Variants in ALS2 observed in about 807,000 individuals in gnomAD.
The protein encoded by ALS2 is alsin Rho guanine nucleotide exchange factor ALS2.
A neutral mutation model predicts 203.4 loss-of-function variants in ALS2; 117 were observed. The observed-to-expected ratio is 0.58, with a 90% CI of 0.50 to 0.67. The LOEUF is 0.67. Ranked by LOEUF, ALS2 falls within the 30% of genes least tolerant of loss-of-function variation. ALS2 has a pLI of 0.00. For synonymous variants in ALS2, 718 were observed against 725.9 expected (o/e 0.99, Z 0.17); for missense variants, 1,715 against 1,989.4 (o/e 0.86, Z 2.62).
chr2:201,729,917 G>A (rs1222634342), intron 13 of ALS2, among the ~76,000 whole-genome samples: 1 of 147,956 alleles, frequency 6.8e-6, no homozygotes, highest in East Asian at 2.0e-4. Flanking sequence ...CTTTTTTTGT[G>A]AGAAAAGTGG....
chr2:201,768,159 C>T (rs541700134), intron 2 of ALS2, among the ~76,000 whole-genome samples: 2 of 152,280 alleles, frequency 1.3e-5, no homozygotes, highest in South Asian at 2.1e-4. Context: ...AAGTGTAGAA[C>T]TGCTATTTAA....
chr2:201,724,400 C>T lies in ALS2; in HGVS notation c.3407G>A (p.Gly1136Asp). 1 of 1,613,880 alleles carries T rather than the reference C, an allele frequency of 6.2e-7. No homozygotes were observed. The highest frequency in any genetic ancestry group is 1.1e-5 in the South Asian group (1 of 91,078). The change falls in exon 21 of 34, where the codon GGT becomes GAT. Residue 1136 changes from glycine to aspartate, a missense_variant. By Grantham distance (94) the Gly-to-Asp change is moderately conservative. This residue lies in a region of ALS2 where 1,227 missense variants were observed against 1,413.5 expected (regional missense o/e 0.87). Coordinates refer to ENST00000264276, the MANE Select transcript of ALS2 (RefSeq NM_020919.4). Reference protein sequence around the residue: ...CFQDNMRHGHGLLRSGKLTSS... With the variant: ...CFQDNMRHGHDLLRSGKLTSS... ...CGTCAATTTCCCACTTCGTAGAAGA[C>T]CATGACCATGACGCATATTATCTTG...
intron 32 of ALS2, 85 bp from the exon 33 acceptor site, chr2:201,704,303 A>G: frequency 6.7e-7 from 1 of 1,498,976 alleles, no homozygotes; most frequent in Non-Finnish European, 9.3e-7. Context: ...AAAAAGAAAG[A>G]ACAGCTCAAT....
intron 23 of ALS2, among the ~76,000 whole-genome samples, chr2:201,719,806 T>C (rs1690654304): frequency 6.6e-6 from 1 of 152,002 alleles, no homozygotes; most frequent in Admixed American, 6.5e-5. Context: ...ATCACAAACA[T>C]ACGAAGACAG....
intron 13 of ALS2, among the ~76,000 whole-genome samples, chr2:201,731,581 A>C (rs931398690): frequency 3.3e-5 from 5 of 152,232 alleles, no homozygotes; most frequent in Admixed American, 3.3e-4. Context: ...TCATTCAATA[A>C]AAGTATCATC....
chr2:201,741,981 C>G lies in ALS2; in HGVS notation c.2171-127G>C. The G allele has an allele frequency of 1.4e-5, 12 of 851,358 alleles. No homozygotes were observed. The South Asian group carries it at 1.8e-4, about 13-fold the overall frequency. 52.7% of individuals were successfully genotyped at this position (851,358 alleles called of 1,614,324 possible). A position where few individuals can be genotyped will look rare whatever the true frequency, so the allele number is the denominator to read the frequency against. On this transcript the variant is annotated intron_variant, in intron 10 of 33. Coordinates refer to ENST00000264276, the MANE Select transcript of ALS2 (RefSeq NM_020919.4). ...TTGCCATGTGCTCTCAACTAAGGAA[C>G]CCAAATGATTACAGTATTAAAGCAA...
At chr2:201,744,547 T>G in intron 9 of ALS2, 118 bp from the exon 10 acceptor site, 1 of 1,094,646 alleles carries the variant, frequency 9.1e-7, no homozygotes, top group Non-Finnish European at 1.3e-6. Flanking sequence ...TCAGAAAATT[T>G]GCAAGCAAGT....
chr2:201,704,027 C>T, intron 33 of ALS2, 95 bp downstream of exon 33: 2 of 1,105,194 alleles, frequency 1.8e-6, no homozygotes, highest in Non-Finnish European at 2.7e-6. Context: ...TTGCATTAAA[C>T]TTTTATACAA....
chr2:201,755,343 A>G (rs946549424), intron 5 of ALS2, among the ~76,000 whole-genome samples: 7 of 151,828 alleles, frequency 4.6e-5, no homozygotes, highest in Non-Finnish European at 1.0e-4. Flanking sequence ...GCTCGCAGGA[A>G]CCTCTGCTTC....
chr2:201,724,194 A>T, intron 21 of ALS2, 101 bp downstream of exon 21: 2 of 1,232,992 alleles, frequency 1.6e-6, no homozygotes, highest in Non-Finnish European at 2.3e-6. Flanking sequence ...AAATCTTACT[A>T]ATCTCCATGA....
intron 10 of ALS2, 21 bp from the exon 11 acceptor site, chr2:201,741,875 T>A (rs1553510060): frequency 6.3e-7 from 1 of 1,586,098 alleles, no homozygotes; most frequent in South Asian, 1.1e-5. Context: ...ATAATGATGA[T>A]GATGACAACA....
chr2:201,760,617 A>G, intron 4 of ALS2: 1 of 1,231,896 alleles, frequency 8.1e-7, no homozygotes, highest in Non-Finnish European at 1.0e-6. Flanking sequence ...TACTAGCAAG[A>G]AAAAAAAATG....
intron 27 of ALS2, 144 bp downstream of exon 27, chr2:201,709,737 C>G: frequency 1.0e-6 from 1 of 987,300 alleles, no homozygotes; most frequent in Non-Finnish European, 1.6e-6. Flanking sequence ...ATAGCTTACA[C>G]ATACATTTAA....
At chr2:201,746,442 G>T in intron 9 of ALS2, 124 bp downstream of exon 9, 1 of 1,140,828 alleles carries the variant, frequency 8.8e-7, no homozygotes, top group Non-Finnish European at 1.3e-6. Flanking sequence ...AAAGGAGTTT[G>T]CAATTTTAAA....
At chr2:201,704,946 G>T (rs994900737) in intron 31 of ALS2, among the ~76,000 whole-genome samples, 193 bp downstream of exon 31, 2 of 152,126 alleles carry the variant, frequency 1.3e-5, no homozygotes, top group Admixed American at 1.3e-4. Flanking sequence ...TTTTGAAAAT[G>T]CAAGGTCATT....
intron 3 of ALS2, among the ~76,000 whole-genome samples, chr2:201,765,209 C>T (rs1186925903): frequency 1.3e-5 from 2 of 151,996 alleles, no homozygotes; most frequent in African/African-American, 4.8e-5. Flanking sequence ...CTATGTTGCC[C>T]AGGAAACATG....
intron 13 of ALS2, among the ~76,000 whole-genome samples, chr2:201,731,750 G>T (rs1328845322): frequency 6.6e-6 from 1 of 152,130 alleles, no homozygotes; most frequent in Non-Finnish European, 1.5e-5. Flanking sequence ...TTGAACCCCT[G>T]TGATAAGGAT....
At position 201,726,761 on chromosome 2, in the gene ALS2, G is replaced by C; in HGVS notation, c.3085C>G (p.Pro1029Ala). The C allele has an allele frequency of 6.2e-7, 1 of 1,614,148 alleles. No homozygotes were observed. The highest frequency in any genetic ancestry group is 8.5e-7 in the Non-Finnish European group (1 of 1,180,024). ...GTATATTTGGCACTGCGTGAAATGG[G>C]TGGTTCCTGTCTCTGAACACTGCTA... ...SGSSVQRQEP[P>A]ISRSAKYTFY... The change falls in exon 18 of 34, where the codon CCC becomes GCC. Residue 1029 changes from proline to alanine, a missense_variant. Pro to Ala is a conservative substitution (Grantham distance 27, BLOSUM62 -1). Transcript: ENST00000264276.
Position 201,768,857 on chromosome 2 carries a change from T to C in ALS2, c.20+9A>G, listed in dbSNP as rs763370210. The C allele has an allele frequency of 1.2e-6, 2 of 1,612,766 alleles. No homozygotes were observed. Among genetic ancestry groups the C allele is most frequent in the Non-Finnish European group, 1.7e-6 (2 of 1,178,964 alleles). On this transcript the variant is annotated intron_variant, in intron 2 of 33. Coordinates refer to ENST00000264276, the MANE Select transcript of ALS2 (RefSeq NM_020919.4). ...AGGAGGATAAGAGAAAAGGAAGAAA[T>C]GATTTTACCTTCTCTTCTTTGAGTC...
Sources: allele counts gnomAD v4.1 joint callset (sites outside exome capture counted in the v4.1 genomes callset), GRCh38; gene constraint gnomAD v4.1.1; regional missense constraint gnomAD v4.1.1; transcripts MANE v1.5; gene names NCBI Gene and HGNC (gene_info 2026-07-23, HGNC 2026-07-21).